The following CELF2 variants were observed in gnomAD, a reference collection of about 807,000 sequenced individuals.
CELF2 encodes the protein CUG triplet repeat RNA-binding protein 2.
CELF2 carries 8 observed loss-of-function variants against 62.6 expected under a neutral mutation model. That is an observed-to-expected ratio of 0.13 (90% confidence interval 0.07 to 0.23). The LOEUF is 0.23. Ranked by LOEUF, CELF2 falls within the 10% of genes least tolerant of loss-of-function variation. The pLI, the probability that CELF2 is intolerant of heterozygous loss-of-function variation, is 1.00. For missense variants in CELF2, 333 were observed against 671.0 expected, an observed-to-expected ratio of 0.50 and a Z score of 5.56; for synonymous variants, 258 against 250.0, an observed-to-expected ratio of 1.03 and a Z score of -0.30.
Position 11,197,012 on chromosome 10 carries a change from G to GAAAGAAAGA in CELF2, c.272-20410_272-20402dup, listed in dbSNP as rs879391434. On this transcript the variant is annotated intron_variant, in intron 2 of 12. Transcript: ENST00000633077. ...AAGAAAGGAAGGAAGGAGAAAGAAA[G>GAAAGAAAGA]AAAGAAAGAAAGAAAAGAAAGAAAG... Among the ~76,000 whole-genome samples the GAAAGAAAGA allele has an allele frequency of 3.0e-4, 6 of 19,674 alleles. 1 individual carries two copies. Among genetic ancestry groups the GAAAGAAAGA allele is most frequent in the African/African-American group, 1.8e-3 (6 of 3,262 alleles). 12.9% of individuals were successfully genotyped at this position (19,674 alleles called of 152,430 possible).
chr10:10,752,968 T>C, the CELF2 span, among the ~76,000 whole-genome samples: 2 of 152,152 alleles, frequency 1.3e-5, no homozygotes, highest in Non-Finnish European at 2.9e-5. Flanking sequence ...TTCCCAAACA[T>C]CACATAACGT....
At chr10:10,569,090 G>A in the CELF2 span, among the ~76,000 whole-genome samples, 1 of 152,098 alleles carries the variant, frequency 6.6e-6, no homozygotes. Context: ...GGAAGAAAGG[G>A]GGCTGCTAAT....
intron 2 of CELF2, among the ~76,000 whole-genome samples, chr10:10,978,393 C>T (rs1372765951): frequency 6.6e-6 from 1 of 152,124 alleles, no homozygotes; most frequent in East Asian, 1.9e-4. Context: ...AAAACCAGGG[C>T]TAGCTCAAGA....
chr10:10,824,940 G>A (rs567130866), intron 1 of CELF2, among the ~76,000 whole-genome samples: 1 of 152,288 alleles, frequency 6.6e-6, no homozygotes, highest in South Asian at 2.1e-4. Flanking sequence ...ATTTCATCAG[G>A]CAGTGACCTT....
At chr10:10,477,806 TAAG>T in the CELF2 span, among the ~76,000 whole-genome samples, 759 of 151,394 alleles carry the variant, frequency 5.0e-3, 8 homozygotes, top group African/African-American at 0.017. Context: ...TGGCCCTTTA[TAAG>T]AAGAATTGGC....
chr10:11,016,363 G>A (rs1047471769), upstream of CELF2, among the ~76,000 whole-genome samples: 1 of 152,162 alleles, frequency 6.6e-6, no homozygotes, highest in African/African-American at 2.4e-5. This position sits in a 1 kb window ranked among gnomAD's most constrained non-coding sequence, Gnocchi z 5.2. Flanking sequence ...ATTAAGGTTA[G>A]TTTAGCCCTA....
intron 1 of CELF2, among the ~76,000 whole-genome samples, chr10:10,828,439 C>T (rs1436179727): frequency 2.0e-5 from 3 of 152,108 alleles, no homozygotes; most frequent in Non-Finnish European, 4.4e-5. Flanking sequence ...TATGATTCCA[C>T]TTATATGAGG....
At chr10:10,710,779 A>G in the CELF2 span, among the ~76,000 whole-genome samples, 1 of 152,184 alleles carries the variant, frequency 6.6e-6, no homozygotes, top group Admixed American at 6.5e-5. Context: ...AGCTATGGAC[A>G]TTTTGATGTA....
chr10:10,632,254 C>T, the CELF2 span, among the ~76,000 whole-genome samples: 1 of 152,150 alleles, frequency 6.6e-6, no homozygotes, highest in Non-Finnish European at 1.5e-5. Context: ...GAGACAGATG[C>T]AAAGAGTTGG....
chr10:11,163,822 T>A (rs1265331285), intron 1 of CELF2, among the ~76,000 whole-genome samples: 1 of 152,246 alleles, frequency 6.6e-6, no homozygotes, highest in Non-Finnish European at 1.5e-5. Context: ...TCAGGATTTT[T>A]CCTTACCCCG....
the CELF2 span, among the ~76,000 whole-genome samples, chr10:10,584,730 A>G: frequency 1.3e-5 from 2 of 152,338 alleles, no homozygotes; most frequent in East Asian, 3.9e-4. Flanking sequence ...TATCTAATAT[A>G]ACTTTCTGAG....
intron 2 of CELF2, among the ~76,000 whole-genome samples, chr10:11,192,935 C>G (rs2076588599): frequency 6.6e-6 from 1 of 152,190 alleles, no homozygotes; most frequent in South Asian, 2.1e-4. Flanking sequence ...CGAGAGTGCT[C>G]TGGTAAATTT....
At chr10:10,823,344 G>A (rs112195231) in intron 1 of CELF2, among the ~76,000 whole-genome samples, 57 of 152,116 alleles carry the variant, frequency 3.7e-4, no homozygotes, top group African/African-American at 1.2e-3. Context: ...ATTTGCAGGC[G>A]TTCCCAGGGT....
In CELF2 at chr10:11,197,052, A is replaced by AGGAAAGAGAGAAG. The variant is rs753280120; in HGVS notation, c.272-20372_272-20371insGAAAGAGAGAAGG. ...AAGAAAGAAAGAAAGAAAGAAAGAA[A>AGGAAAGAGAGAAG]GAAAGAAAAGAAAGAAAGGAAAGAA... On this transcript the variant is annotated intron_variant, in intron 2 of 12. Coordinates refer to ENST00000633077, the MANE Select transcript of CELF2 (RefSeq NM_001326342.2). Among the ~76,000 whole-genome samples, 128 of 31,690 alleles carry AGGAAAGAGAGAAG rather than the reference A, an allele frequency of 4.0e-3. 18 individuals carry two copies. Among genetic ancestry groups the AGGAAAGAGAGAAG allele is most frequent in the African/African-American group, 0.016 (124 of 7,830 alleles). The allele number at this position is 31,690 out of a possible 152,430, so 20.8% of individuals were successfully genotyped here. A position where few individuals can be genotyped will look rare whatever the true frequency, so the allele number is the denominator to read the frequency against.
chr10:10,643,473 C>T, the CELF2 span, among the ~76,000 whole-genome samples: 1 of 152,124 alleles, frequency 6.6e-6, no homozygotes, highest in Non-Finnish European at 1.5e-5. Flanking sequence ...TGAGGCCTCC[C>T]CAGCCTTGTG....
the CELF2 span, among the ~76,000 whole-genome samples, chr10:10,747,900 T>C: frequency 0.58 from 88,309 of 151,914 alleles, 27,473 homozygotes; most frequent in East Asian, 0.92. Context: ...TTAGTAGAGA[T>C]GGGGTTTCAC....
At chr10:10,630,449 T>A in the CELF2 span, among the ~76,000 whole-genome samples, 1 of 152,204 alleles carries the variant, frequency 6.6e-6, no homozygotes, top group Non-Finnish European at 1.5e-5. Flanking sequence ...GGGATCTCTA[T>A]CTAATCTCTA....
At chr10:11,212,545 A>G (rs2062128722) in intron 2 of CELF2, among the ~76,000 whole-genome samples, 1 of 152,198 alleles carries the variant, frequency 6.6e-6, no homozygotes, top group Non-Finnish European at 1.5e-5. Flanking sequence ...AGTCAACAGA[A>G]GAAGTCATCA....
chr10:10,738,860 C>A, the CELF2 span, among the ~76,000 whole-genome samples: 1 of 152,136 alleles, frequency 6.6e-6, no homozygotes, highest in Non-Finnish European at 1.5e-5. Flanking sequence ...GAAATCTGAA[C>A]AAACCGTGGA....
Sources: allele counts gnomAD v4.1 joint callset (sites outside exome capture counted in the v4.1 genomes callset), GRCh38; gene constraint gnomAD v4.1.1; non-coding constraint Gnocchi (gnomAD v3.1); transcripts MANE v1.5; gene names NCBI Gene and HGNC (gene_info 2026-07-23, HGNC 2026-07-21).